ZNF33B: variants seen among roughly 807,000 people sequenced by gnomAD.
The protein encoded by ZNF33B is zinc finger protein 11b (KOX 2).
In ZNF33B, 29 loss-of-function variants were observed where a neutral mutation model predicts 45.8. The ratio of observed to expected loss-of-function variants is 0.63; its 90% CI spans 0.47 to 0.86. The LOEUF is 0.86. ZNF33B is among the 40% of genes least tolerant of loss of function. ZNF33B has a pLI of 0.00. For missense variants in ZNF33B, 831 were observed against 909.9 expected (o/e 0.91, Z 1.12); for synonymous variants, 305 against 307.8 (o/e 0.99, Z 0.10).
In ZNF33B at chr10:42,592,976, G is replaced by A; in HGVS notation, c.1974C>T (p.Thr658=). ...ATTTATAAGGCTTTTCTTGTGTATG[G>A]GTTCTCTGATGTACAATTAGAGCTG... ...HKSALIVHQR[T]HTQEKPYKCN... The change falls in exon 5 of 5, where the codon ACC becomes ACT. Residue 658 remains threonine, a synonymous_variant. Coordinates refer to ENST00000359467, the MANE Select transcript of ZNF33B (RefSeq NM_006955.3). 1 of 1,613,342 alleles carries A rather than the reference G, an allele frequency of 6.2e-7. No individual in the cohort carries two copies. Among genetic ancestry groups the A allele is most frequent in the South Asian group, 1.1e-5 (1 of 91,044 alleles).
intron 4 of ZNF33B, among the ~76,000 whole-genome samples, chr10:42,619,957 G>A (rs1349773681): frequency 6.6e-6 from 1 of 152,140 alleles, no homozygotes; most frequent in African/African-American, 2.4e-5. Context: ...GCTCATGCCT[G>A]TAATCTCAAG....
chr10:42,606,932 T>C (rs923196332), intron 4 of ZNF33B, among the ~76,000 whole-genome samples: 3 of 152,204 alleles, frequency 2.0e-5, no homozygotes, highest in African/African-American at 7.2e-5. Context: ...ACATTATACT[T>C]ACTGGTTGAG....
At chr10:42,628,638 A>G (rs555173827) in intron 4 of ZNF33B, among the ~76,000 whole-genome samples, 12 of 151,864 alleles carry the variant, frequency 7.9e-5, no homozygotes, top group Non-Finnish European at 1.2e-4. Context: ...TTTGTTTTTG[A>G]TTAATGTTTG....
intron 4 of ZNF33B, among the ~76,000 whole-genome samples, chr10:42,616,334 G>T (rs1838313628): frequency 6.6e-6 from 1 of 152,122 alleles, no homozygotes; most frequent in Admixed American, 6.5e-5. Flanking sequence ...TACAGTATGT[G>T]AATTATATCT....
downstream of ZNF33B, among the ~76,000 whole-genome samples, chr10:42,588,939 G>A (rs150635059): frequency 2.4e-3 from 367 of 152,242 alleles, 3 homozygotes; most frequent in Non-Finnish European, 3.0e-3. Flanking sequence ...GATGTCAAGA[G>A]AACCAAGAAT....
intron 4 of ZNF33B, among the ~76,000 whole-genome samples, chr10:42,621,545 A>T (rs1190820536): frequency 6.6e-6 from 1 of 150,636 alleles, no homozygotes; most frequent in African/African-American, 2.4e-5. Context: ...AATGTTTTTA[A>T]AAAAAAAAAG....
At position 42,594,806 on chromosome 10, in the gene ZNF33B, C is replaced by A. The variant is rs1460262875; in HGVS notation, c.251-107G>T. On this transcript the variant is annotated intron_variant, in intron 4 of 4. Transcript: ENST00000359467. ...GTTGTAGCTGACTCTGGTTTTTTGGCCAATTTCCAGAGATGAACATAATTG... is the reference window on the plus strand; with the variant it reads ...GTTGTAGCTGACTCTGGTTTTTTGGACAATTTCCAGAGATGAACATAATTG... The A allele has an allele frequency of 7.1e-6, 9 of 1,265,564 alleles. No individual in the cohort carries two copies. In the African/African-American group the frequency reaches 1.2e-4, roughly 17 times the overall value. The allele number at this position is 1,265,564 out of a possible 1,614,324, so 78.4% of individuals were successfully genotyped here.
intron 2 of ZNF33B, among the ~76,000 whole-genome samples, chr10:42,636,163 TAC>T (rs1245768426): frequency 6.6e-6 from 1 of 152,050 alleles, no homozygotes; most frequent in Non-Finnish European, 1.5e-5. Context: ...AAAATTAAAA[TAC>T]ATTTTAACTT....
chr10:42,633,365 T>C (rs1839139691), intron 2 of ZNF33B, among the ~76,000 whole-genome samples: 1 of 152,154 alleles, frequency 6.6e-6, no homozygotes. Flanking sequence ...GAGCCAAAGA[T>C]GAGATGTGAG....
At chr10:42,577,570 C>T (rs1340415959) in intron 1 of ZNF33B, among the ~76,000 whole-genome samples, 2 of 152,134 alleles carry the variant, frequency 1.3e-5, no homozygotes, top group Admixed American at 6.5e-5. Context: ...TCTGATTCTC[C>T]AGTACTTTCT....
intron 4 of ZNF33B, among the ~76,000 whole-genome samples, chr10:42,607,106 T>C (rs1042565751): frequency 1.3e-5 from 2 of 151,980 alleles, no homozygotes; most frequent in Non-Finnish European, 2.9e-5. Flanking sequence ...TAAATATATA[T>C]GCAATATATA....
At chr10:42,623,263 T>A (rs1351728289) in intron 4 of ZNF33B, among the ~76,000 whole-genome samples, 3 of 152,208 alleles carry the variant, frequency 2.0e-5, no homozygotes, top group African/African-American at 7.2e-5. Context: ...AGACTCTGTC[T>A]CAAAAACAAA....
At chr10:42,611,899 A>G (rs892297152) in intron 4 of ZNF33B, among the ~76,000 whole-genome samples, 13 of 152,198 alleles carry the variant, frequency 8.5e-5, no homozygotes, top group Non-Finnish European at 1.6e-4. Context: ...ACAAACACAG[A>G]AAGTTTTATT....
At chr10:42,606,898 T>A (rs548871663) in intron 4 of ZNF33B, among the ~76,000 whole-genome samples, 1 of 152,180 alleles carries the variant, frequency 6.6e-6, no homozygotes, top group East Asian at 1.9e-4. Flanking sequence ...GACTTTAGAG[T>A]TTTTTCCAAA....
chr10:42,606,346 T>G (rs1837850154), intron 4 of ZNF33B, among the ~76,000 whole-genome samples: 1 of 151,870 alleles, frequency 6.6e-6, no homozygotes, highest in South Asian at 2.1e-4. Flanking sequence ...ATGCCTGTAA[T>G]CCTAGCAACT....
intron 4 of ZNF33B, among the ~76,000 whole-genome samples, chr10:42,615,888 G>C (rs1838291665): frequency 6.8e-6 from 1 of 145,988 alleles, no homozygotes; most frequent in Non-Finnish European, 1.5e-5. Flanking sequence ...TCACGCCACT[G>C]CACTCCAGCC....
At chr10:42,603,253 G>A (rs1484575611) in intron 4 of ZNF33B, among the ~76,000 whole-genome samples, 1 of 152,192 alleles carries the variant, frequency 6.6e-6, no homozygotes, top group Non-Finnish European at 1.5e-5. Flanking sequence ...AGGGCCAGCT[G>A]TAAGGACAGA....
intron 4 of ZNF33B, among the ~76,000 whole-genome samples, chr10:42,616,940 C>A (rs1330164125): frequency 6.6e-6 from 1 of 151,874 alleles, no homozygotes; most frequent in Non-Finnish European, 1.5e-5. Context: ...GTGATCTGCA[C>A]ACCTCAGCCT....
At chr10:42,576,241 A>C (rs1244077904) in intron 1 of ZNF33B, among the ~76,000 whole-genome samples, 5 of 151,762 alleles carry the variant, frequency 3.3e-5, no homozygotes, top group Admixed American at 2.6e-4. Context: ...TGCCCGCCTC[A>C]GCCTCCCAAA....
Sources: gnomAD v4.1 joint callset for allele counts (sites outside exome capture counted in the v4.1 genomes callset) on GRCh38, gnomAD v4.1.1 for gene constraint, MANE v1.5 for transcripts, NCBI Gene and HGNC (gene_info 2026-07-23, HGNC 2026-07-21) for gene names.